FHIT: variants seen among roughly 807,000 people sequenced by gnomAD.
FHIT encodes the protein bis(5'-adenosyl)-triphosphatase.
FHIT carries 19 observed loss-of-function variants against 17.9 expected under a neutral mutation model. The observed-to-expected ratio is 1.06, with a 90% CI of 0.74 to 1.56. The LOEUF is 1.56. FHIT is among the 40% of genes most tolerant of loss of function. FHIT has a pLI of 0.00. For synonymous variants in FHIT, 81 were observed against 69.7 expected (o/e 1.16, Z -0.81); for missense variants, 248 against 189.2 (o/e 1.31, Z -1.82).
intron 5 of FHIT, among the ~76,000 whole-genome samples, chr3:60,179,748 C>A (rs1000142967): frequency 6.6e-6 from 1 of 152,088 alleles, no homozygotes; most frequent in African/African-American, 2.4e-5. Flanking sequence ...AGGCATCTGG[C>A]CCCAGCTAGA....
At chr3:60,278,551 A>C (rs966782026) in intron 5 of FHIT, among the ~76,000 whole-genome samples, 1 of 152,170 alleles carries the variant, frequency 6.6e-6, no homozygotes, top group South Asian at 2.1e-4. Context: ...TGGTGATTAC[A>C]ACTGAGAGGT....
At chr3:60,992,072 T>C (rs1272793368) in intron 3 of FHIT, among the ~76,000 whole-genome samples, 1 of 152,212 alleles carries the variant, frequency 6.6e-6, no homozygotes, top group East Asian at 1.9e-4. Context: ...TGAATCTTGA[T>C]ATCATGGATG....
chr3:60,450,359 A>C (rs1175608439), intron 5 of FHIT, among the ~76,000 whole-genome samples: 2 of 152,148 alleles, frequency 1.3e-5, no homozygotes, highest in African/African-American at 4.8e-5. Context: ...TTTATGGTAC[A>C]TAAATATATA....
intron 8 of FHIT, among the ~76,000 whole-genome samples, chr3:59,918,513 CA>C (rs5849309): frequency 6.6e-6 from 1 of 151,652 alleles, no homozygotes; most frequent in African/African-American, 2.4e-5. Flanking sequence ...AGTTAAAAAA[CA>C]AAAAAAACTC....
chr3:60,839,712 T>C (rs569428531), intron 3 of FHIT, among the ~76,000 whole-genome samples: 1 of 152,254 alleles, frequency 6.6e-6, no homozygotes, highest in South Asian at 2.1e-4. Flanking sequence ...CTCCCGTTTA[T>C]TATGCTGACC....
intron 4 of FHIT, among the ~76,000 whole-genome samples, chr3:60,569,755 A>ATATATATATATATATTTTT: frequency 2.6e-4 from 20 of 77,326 alleles, no homozygotes; most frequent in Admixed American, 6.0e-4. Flanking sequence ...ATATATATAT[A>ATATATATATATATATTTTT]TTTTTTTTTT....
chr3:60,194,395 T>A (rs1418901782), intron 5 of FHIT, among the ~76,000 whole-genome samples: 2 of 152,198 alleles, frequency 1.3e-5, no homozygotes, highest in African/African-American at 2.4e-5. Context: ...TGTAGAAGAA[T>A]TAAACGGGAT....
At chr3:60,397,998 C>A (rs907034575) in intron 5 of FHIT, among the ~76,000 whole-genome samples, 1 of 152,088 alleles carries the variant, frequency 6.6e-6, no homozygotes, top group Admixed American at 6.5e-5. Context: ...TTCCCACTTT[C>A]GGGTAGGGGA....
intron 3 of FHIT, among the ~76,000 whole-genome samples, chr3:61,013,527 C>T (rs949722669): frequency 6.6e-6 from 1 of 152,130 alleles, no homozygotes; most frequent in African/African-American, 2.4e-5. Context: ...AAATGCATTG[C>T]TTTGATTCTG....
intron 5 of FHIT, among the ~76,000 whole-genome samples, chr3:60,472,192 A>C (rs1167978814): frequency 1.3e-5 from 2 of 151,412 alleles, no homozygotes; most frequent in African/African-American, 4.8e-5. Context: ...CAGCAAGAGG[A>C]AAGATATATA....
chr3:60,767,530 A>G (rs1553721833), intron 4 of FHIT, among the ~76,000 whole-genome samples: 1 of 152,168 alleles, frequency 6.6e-6, no homozygotes, highest in African/African-American at 2.4e-5. Context: ...CAGACTATTT[A>G]CTCTGAAAAC....
chr3:60,790,602 C>G (rs1427363481), intron 4 of FHIT, among the ~76,000 whole-genome samples: 1 of 152,068 alleles, frequency 6.6e-6, no homozygotes, highest in Non-Finnish European at 1.5e-5. Context: ...AGGATCAAAC[C>G]ACATTCCATT....
At chr3:60,276,855 C>T (rs1707165065) in intron 5 of FHIT, among the ~76,000 whole-genome samples, 1 of 152,070 alleles carries the variant, frequency 6.6e-6, no homozygotes, top group Admixed American at 6.6e-5. Context: ...TTTAAACAGC[C>T]AGATCTCATG....
intron 5 of FHIT, among the ~76,000 whole-genome samples, chr3:60,215,240 C>G (rs530279806): frequency 1.3e-5 from 2 of 152,144 alleles, no homozygotes; most frequent in Admixed American, 6.6e-5. Flanking sequence ...AGCTGTAATC[C>G]CAGCACGTTG....
rs115505018 is a variant in FHIT at position 60,618,935 on chromosome 3, G to A, written c.-17-81956C>T. Among the ~76,000 whole-genome samples, 986 of 152,136 alleles carry A rather than the reference G, an allele frequency of 6.5e-3. 9 individuals carry two copies. The highest frequency in any genetic ancestry group is 0.023 in the African/African-American group (947 of 41,460). On this transcript the variant is annotated intron_variant, in intron 4 of 9. Transcript: ENST00000492590. ...AGAAAACTGAAAAGCCAATGAAACA[G>A]AATCTCCCCTAAAGGCCCCAAAAAG... is the stretch of plus-strand genomic sequence containing the variant.
At chr3:60,101,332 C>T (rs371868792) in intron 5 of FHIT, among the ~76,000 whole-genome samples, 4 of 152,336 alleles carry the variant, frequency 2.6e-5, no homozygotes, top group African/African-American at 9.6e-5. Context: ...ACACCTCCTG[C>T]ACCCTGGGCT....
At chr3:59,809,300 G>C (rs1204931158) in intron 8 of FHIT, among the ~76,000 whole-genome samples, 1 of 152,226 alleles carries the variant, frequency 6.6e-6, no homozygotes, top group Admixed American at 6.5e-5. Flanking sequence ...AAGGCCATGT[G>C]AAGACAAAGC....
At chr3:60,560,283 C>G (rs1294809057) in intron 4 of FHIT, among the ~76,000 whole-genome samples, 2 of 152,068 alleles carry the variant, frequency 1.3e-5, no homozygotes, top group Non-Finnish European at 2.9e-5. Context: ...ACTCCTAGTA[C>G]AGGGCTTCTC....
chr3:59,810,162 T>A (rs1247755218), intron 8 of FHIT, among the ~76,000 whole-genome samples: 1 of 152,090 alleles, frequency 6.6e-6, no homozygotes, highest in East Asian at 1.9e-4. Flanking sequence ...GCTGTACTGG[T>A]GGTCCCTGAA....
Sources: gnomAD v4.1 joint callset for allele counts (sites outside exome capture counted in the v4.1 genomes callset) on GRCh38, gnomAD v4.1.1 for gene constraint, MANE v1.5 for transcripts, NCBI Gene and HGNC (gene_info 2026-07-23, HGNC 2026-07-21) for gene names.